Variants in PCDHA7 observed in about 807,000 individuals in gnomAD.
PCDHA7 encodes protocadherin alpha 7.
Under a neutral mutation model 57.2 loss-of-function variants are expected in PCDHA7, and 37 were observed. That is an observed-to-expected ratio of 0.65 (90% CI 0.50 to 0.85). The LOEUF (loss-of-function observed/expected upper bound fraction) is 0.85. Among genes scored for constraint, PCDHA7 ranks in the 40% least tolerant of loss-of-function variants. The pLI, the probability that PCDHA7 is intolerant of heterozygous loss-of-function variation, is 0.00. For missense variants in PCDHA7, 1,188 were observed against 1,241.8 expected (o/e 0.96, Z 0.65); for synonymous variants, 553 against 558.8 (o/e 0.99, Z 0.15).
chr5:140,856,635 G>A (rs1341590061), intron 1 of PCDHA7: 5 of 1,597,884 alleles, frequency 3.1e-6, no homozygotes, highest in South Asian at 1.1e-5. Context: ...CTTGTTCTGC[G>A]GAAGCTGCTG....
chr5:140,851,507 AAT>A, intron 1 of PCDHA7: 1 of 903,816 alleles, frequency 1.1e-6, no homozygotes, highest in Non-Finnish European at 1.3e-6. Flanking sequence ...ACTTATATAA[AAT>A]ATGTTTTAAA....
rs782133089 is a variant in PCDHA7, at chr5:140,924,894, C to CA, written c.2356-54044dup. Among the ~76,000 whole-genome samples, 369 of 71,492 alleles carry CA rather than the reference C, an allele frequency of 5.2e-3. 5 individuals carry two copies. The South Asian group carries it at 0.07, about 14-fold the overall frequency. 46.9% of individuals were successfully genotyped at this position (71,492 alleles called of 152,430 possible). ...TGGGTGACAGAGCAAGAACCTGTCT[C>CA]AAAAAAAAAAATAAAATAAAATAAA... is the stretch of plus-strand genomic sequence containing the variant. On this transcript the variant is annotated intron_variant, in intron 1 of 3. Coordinates refer to ENST00000525929, the MANE Select transcript of PCDHA7 (RefSeq NM_018910.3).
rs138800056 is a variant in PCDHA7 at position 140,842,341 on chromosome 5, T to C, written c.2355+5603T>C. 5.9e-4 allele frequency: 943 copies of C among 1,607,778 alleles called. 5 individuals are homozygous for C. The highest frequency in any genetic ancestry group is 7.8e-4 in the Non-Finnish European group (921 of 1,174,582). ...GTCATTGCACCGTTTTAGTGAGAAT[T>C]TTGGATAAAAATGATAACGTCCCTG... On this transcript the variant is annotated intron_variant, in intron 1 of 3. Transcript: ENST00000525929.
At chr5:141,003,432 C>T (rs1175854943) in intron 3 of PCDHA7, among the ~76,000 whole-genome samples, 1 of 152,124 alleles carries the variant, frequency 6.6e-6, no homozygotes, top group African/African-American at 2.4e-5. Context: ...ATGCCTCAGC[C>T]TCCCAAGTAG....
chr5:140,836,669 G>T lies in PCDHA7; in HGVS notation c.2286G>T (p.Glu762Asp), dbSNP rs142732506. ...QQRRQRVCSG[E>D]GPPKTDLMAF... ...GGCGGCAGAGGGTGTGCTCTGGGGA[G>T]GGCCCACCCAAGACAGACCTCATGG... The change falls in exon 1 of 4, where the codon GAG becomes GAT. Residue 762 changes from glutamate (E) to aspartate (D), a missense_variant. By Grantham distance (45) the Glu-to-Asp change is conservative. Around this residue, in one of 3 missense-constraint regions of PCDHA7, gnomAD observed 892 missense variants for 788.5 expected, o/e 1.13. Transcript: ENST00000525929. 6.2e-7 allele frequency: 1 copy of T among 1,613,470 alleles called. No homozygotes were observed. Among genetic ancestry groups the T allele is most frequent in the African/African-American group, 1.3e-5 (1 of 74,916 alleles).
intron 1 of PCDHA7, chr5:140,864,624 A>C (rs2048544669): frequency 6.6e-6 from 1 of 152,110 alleles, no homozygotes; most frequent in African/African-American, 2.4e-5. Flanking sequence ...TTTTTTAAAA[A>C]GAAAACAAAA....
At chr5:140,952,158 G>A (rs2094696814) in intron 1 of PCDHA7, among the ~76,000 whole-genome samples, 1 of 151,946 alleles carries the variant, frequency 6.6e-6, no homozygotes, top group Non-Finnish European at 1.5e-5. Flanking sequence ...GTGGCTTTGT[G>A]GGGTTCAGTT....
chr5:140,876,029 A>C, intron 1 of PCDHA7: 1 of 1,613,700 alleles, frequency 6.2e-7, no homozygotes, highest in Non-Finnish European at 8.5e-7. Context: ...AAAACAAAAA[A>C]AGATAAAAGT....
intron 3 of PCDHA7, among the ~76,000 whole-genome samples, chr5:141,000,501 C>G (rs1252221313): frequency 2.1e-5 from 3 of 139,584 alleles, no homozygotes; most frequent in Admixed American, 7.5e-5. Flanking sequence ...GATCTCGGCT[C>G]ACTGCAACCT....
At chr5:140,909,709 A>G (rs2153511702) in intron 1 of PCDHA7, among the ~76,000 whole-genome samples, 1 of 152,294 alleles carries the variant, frequency 6.6e-6, no homozygotes, top group Non-Finnish European at 1.5e-5. Context: ...GCTGCTAAGT[A>G]TACCTATGCC....
In PCDHA7 at chr5:140,883,753, G is replaced by A. The variant is rs945452765; in HGVS notation, c.2355+47015G>A. 5 of 1,613,010 alleles carry A rather than the reference G, an allele frequency of 3.1e-6. No homozygotes were observed. The African/African-American group carries it at 5.3e-5, about 17-fold the overall frequency. ...ACGCGCTGGTCTCCTACTCGCTGGT[G>A]GAGCGGCGGGTGGGCGAGCGTGCGC... is the stretch of plus-strand genomic sequence containing the variant. On this transcript the variant is annotated intron_variant, in intron 1 of 3. Transcript: ENST00000525929.
At chr5:140,858,580 A>C in intron 1 of PCDHA7, 1 of 1,352,736 alleles carries the variant, frequency 7.4e-7, no homozygotes, top group Non-Finnish European at 1.0e-6. Flanking sequence ...CCTTTGTAAT[A>C]TAATTTATTC....
chr5:140,989,889 C>T (rs1220430844), intron 3 of PCDHA7, among the ~76,000 whole-genome samples: 3 of 151,522 alleles, frequency 2.0e-5, no homozygotes, highest in Admixed American at 6.6e-5. Flanking sequence ...TTGGAGTCTC[C>T]GTTATTCACA....
chr5:140,884,734 C>G, intron 1 of PCDHA7: 1 of 1,445,332 alleles, frequency 6.9e-7, no homozygotes. Flanking sequence ...TTTAAGACAT[C>G]TTTCCTGCCA....
At chr5:140,997,264 A>G (rs1554255813) in intron 3 of PCDHA7, among the ~76,000 whole-genome samples, 3 of 152,154 alleles carry the variant, frequency 2.0e-5, no homozygotes. Context: ...CACTCTTCCA[A>G]ATATTTCTTG....
intron 3 of PCDHA7, among the ~76,000 whole-genome samples, chr5:140,998,105 A>G (rs1554256162): frequency 6.6e-6 from 1 of 152,204 alleles, no homozygotes; most frequent in African/African-American, 2.4e-5. Context: ...CAAACAGAGG[A>G]GAAAATTTAC....
chr5:140,941,191 T>TTTTTCTTTC lies in PCDHA7; in HGVS notation c.2356-37755_2356-37754insTCTTTCTTT, dbSNP rs1554213809. 3.1e-4 allele frequency among the ~76,000 whole-genome samples: 29 copies of TTTTTCTTTC among 93,252 alleles called. No homozygotes were observed. The East Asian group carries it at 6.1e-3, about 20-fold the overall frequency. 61.2% of individuals were successfully genotyped at this position (93,252 alleles called of 152,430 possible). On this transcript the variant is annotated intron_variant, in intron 1 of 3. Transcript: ENST00000525929. ...CATCTTGAACATCCTGCTTCTTTTT[T>TTTTTCTTTC]TTTCTTTCTTCCTTTCTTTCTTCCT...
chr5:140,964,560 TGGGAGGAGATAAG>T (rs2095840156), intron 1 of PCDHA7, among the ~76,000 whole-genome samples: 1 of 152,082 alleles, frequency 6.6e-6, no homozygotes, highest in Admixed American at 6.6e-5. Context: ...CTTGGAGGGC[TGGGAGGAGATAAG>T]GGGAGGAAAG....
chr5:140,923,641 T>C (rs2081461052), intron 1 of PCDHA7, among the ~76,000 whole-genome samples: 1 of 152,230 alleles, frequency 6.6e-6, no homozygotes. Context: ...CAAAAATCTT[T>C]AGCCTCCCTT....
Sources: gnomAD v4.1 joint callset for allele counts (sites outside exome capture counted in the v4.1 genomes callset) on GRCh38, gnomAD v4.1.1 for gene constraint, gnomAD v4.1.1 regional missense constraint, MANE v1.5 for transcripts, NCBI Gene and HGNC (gene_info 2026-07-23, HGNC 2026-07-21) for gene names.